The following SLC24A2 variants were observed in gnomAD, a reference collection of about 807,000 sequenced individuals.
SLC24A2 encodes solute carrier family 24 member 2, also known as sodium/potassium/calcium exchanger 2.
SLC24A2 carries 36 observed loss-of-function variants against 62.0 expected under a neutral mutation model. That is an observed-to-expected ratio of 0.58 (90% CI 0.44 to 0.77). The LOEUF (loss-of-function observed/expected upper bound fraction) is 0.77, where lower values mean the gene tolerates loss of function less well. SLC24A2 is among the 30% of genes least tolerant of loss of function. The pLI is 0.00. For missense variants in SLC24A2, 846 were observed against 817.9 expected, an observed-to-expected ratio of 1.03 and a Z score of -0.42; for synonymous variants, 358 against 294.0, an observed-to-expected ratio of 1.22 and a Z score of -2.23.
the SLC24A2 span, chr9:19,927,685 C>G: frequency 2.6e-5 from 4 of 152,198 alleles, no homozygotes; most frequent in South Asian, 6.2e-4. Flanking sequence ...TTTCTCGTCT[C>G]GCCTCCTCTT....
chr9:19,702,651 T>C (rs943727647), intron 2 of SLC24A2, among the ~76,000 whole-genome samples: 2 of 152,208 alleles, frequency 1.3e-5, no homozygotes, highest in Admixed American at 6.5e-5. Context: ...AGTGGCTTCC[T>C]ATAGTTAGAT....
At chr9:19,729,268 T>C (rs772307723) in intron 2 of SLC24A2, among the ~76,000 whole-genome samples, 11 of 152,092 alleles carry the variant, frequency 7.2e-5, no homozygotes, top group East Asian at 3.8e-4. Flanking sequence ...ACACTGTTAG[T>C]AGGAATGTTA....
chr9:19,788,261 C>G (rs1295180772), intron 1 of SLC24A2, among the ~76,000 whole-genome samples: 1 of 152,210 alleles, frequency 6.6e-6, no homozygotes, highest in African/African-American at 2.4e-5. Context: ...AACGTCAACG[C>G]TTAGCAGGAA....
chr9:19,924,148 A>G, the SLC24A2 span, among the ~76,000 whole-genome samples: 14,225 of 152,238 alleles, frequency 0.093, 1,142 homozygotes, highest in African/African-American at 0.22. Context: ...AATTTCTTTA[A>G]GGAACATGGA....
the SLC24A2 span, among the ~76,000 whole-genome samples, chr9:19,840,158 G>C: frequency 6.6e-6 from 1 of 152,176 alleles, no homozygotes; most frequent in Non-Finnish European, 1.5e-5. Context: ...ACTCTGCATA[G>C]ATGGTTAATT....
the SLC24A2 span, among the ~76,000 whole-genome samples, chr9:20,222,974 C>T: frequency 6.6e-6 from 1 of 151,846 alleles, no homozygotes; most frequent in African/African-American, 2.4e-5. Flanking sequence ...CACAAGCAAA[C>T]CTCTACTTAT....
the SLC24A2 span, among the ~76,000 whole-genome samples, chr9:20,118,618 G>A: frequency 6.6e-6 from 1 of 151,554 alleles, no homozygotes; most frequent in Non-Finnish European, 1.5e-5. Context: ...ATTCAACCTG[G>A]TATTTATTTC....
At chr9:19,737,601 G>A (rs77161512) in intron 2 of SLC24A2, among the ~76,000 whole-genome samples, 28 of 151,888 alleles carry the variant, frequency 1.8e-4, no homozygotes, top group African/African-American at 6.5e-4. Context: ...TGCATTCAAG[G>A]TGTATACATT....
chr9:19,963,411 T>C, the SLC24A2 span, among the ~76,000 whole-genome samples: 1 of 150,150 alleles, frequency 6.7e-6, no homozygotes, highest in Non-Finnish European at 1.5e-5. Flanking sequence ...CAAAAGAAAC[T>C]ACCATCAGAG....
chr9:20,103,606 C>T, the SLC24A2 span, among the ~76,000 whole-genome samples: 38,352 of 152,088 alleles, frequency 0.25, 5,500 homozygotes, highest in East Asian at 0.57. Flanking sequence ...AGTGGACCTC[C>T]AGCAAACTCC....
chr9:19,542,788 C>G (rs1180513164), intron 8 of SLC24A2, among the ~76,000 whole-genome samples: 1 of 152,074 alleles, frequency 6.6e-6, no homozygotes, highest in Non-Finnish European at 1.5e-5. Context: ...GATGAAGCCA[C>G]CTTGATGGTG....
the SLC24A2 span, among the ~76,000 whole-genome samples, chr9:19,973,481 C>T: frequency 6.6e-6 from 1 of 152,210 alleles, no homozygotes; most frequent in African/African-American, 2.4e-5. Flanking sequence ...GCTGTGATTA[C>T]AGCAAGGAGT....
At chr9:20,151,708 G>T in the SLC24A2 span, among the ~76,000 whole-genome samples, 1 of 151,832 alleles carries the variant, frequency 6.6e-6, no homozygotes, top group Non-Finnish European at 1.5e-5. Context: ...AATGTCACCA[G>T]TCTCTGCCTT....
chr9:20,208,890 T>C, the SLC24A2 span, among the ~76,000 whole-genome samples: 1 of 152,206 alleles, frequency 6.6e-6, no homozygotes, highest in Non-Finnish European at 1.5e-5. Flanking sequence ...TTGTTGGACA[T>C]GGGGAGCAAG....
chr9:19,905,019 T>A, the SLC24A2 span, among the ~76,000 whole-genome samples: 1 of 152,210 alleles, frequency 6.6e-6, no homozygotes, highest in East Asian at 1.9e-4. Flanking sequence ...ATATAGCAAG[T>A]CTTGAAAATT....
chr9:19,603,903 C>A (rs1022432101), intron 4 of SLC24A2, among the ~76,000 whole-genome samples: 43 of 152,184 alleles, frequency 2.8e-4, no homozygotes, highest in Non-Finnish European at 4.4e-5. Context: ...TTCCTGAATG[C>A]CCCCATCCCT....
chr9:19,531,530 T>A lies in SLC24A2; in HGVS notation c.1480-3392A>T, dbSNP rs191203670. 1.5e-4 allele frequency among the ~76,000 whole-genome samples: 23 copies of A among 152,338 alleles called. No individual in the cohort carries two copies. In the East Asian group the frequency reaches 4.2e-3, roughly 28 times the overall value. On this transcript the variant is annotated intron_variant, in intron 8 of 10. Coordinates refer to ENST00000341998, the MANE Select transcript of SLC24A2 (RefSeq NM_020344.4). The stretch of plus-strand genomic sequence containing the variant: ...CATAATTGACAGTGGATGCTCTGAT[T>A]AGAAGCTTTTGGTACATCAGAGTGA...
the SLC24A2 span, among the ~76,000 whole-genome samples, chr9:20,099,312 A>G: frequency 6.6e-6 from 1 of 152,242 alleles, no homozygotes; most frequent in African/African-American, 2.4e-5. Context: ...ATTACAAATC[A>G]TATAACTGTA....
At chr9:19,983,573 G>A in the SLC24A2 span, among the ~76,000 whole-genome samples, 4 of 152,158 alleles carry the variant, frequency 2.6e-5, no homozygotes, top group Non-Finnish European at 5.9e-5. Flanking sequence ...TACCCAGGAC[G>A]TGGAGGTTGT....
Sources: gnomAD v4.1 joint callset for allele counts (sites outside exome capture counted in the v4.1 genomes callset) on GRCh38, gnomAD v4.1.1 for gene constraint, MANE v1.5 for transcripts, NCBI Gene and HGNC (gene_info 2026-07-23, HGNC 2026-07-21) for gene names.